The following CSNK2A1 variants were observed in gnomAD, a reference collection of about 807,000 sequenced individuals.
CSNK2A1 encodes casein kinase 2 alpha 1, also known as casein kinase II subunit alpha.
Under a neutral mutation model 62.9 loss-of-function variants are expected in CSNK2A1, and 10 were observed. The ratio of observed to expected loss-of-function variants is 0.16; its 90% CI spans 0.10 to 0.27. The LOEUF is 0.27. Among genes scored for constraint, CSNK2A1 ranks in the 10% least tolerant of loss-of-function variants. The pLI, the probability that CSNK2A1 is intolerant of heterozygous loss-of-function variation, is 1.00. For missense variants in CSNK2A1, 160 were observed against 492.0 expected (o/e 0.33, Z 6.38); for synonymous variants, 124 against 167.8 (o/e 0.74, Z 2.02).
At chr20:490,252 C>T (rs916550275) in intron 9 of CSNK2A1, among the ~76,000 whole-genome samples, 1 of 149,326 alleles carries the variant, frequency 6.7e-6, no homozygotes, top group Non-Finnish European at 1.5e-5. Context: ...TGGTCTCAAA[C>T]TCCTGACCTC....
At chr20:534,486 A>G (rs1445951372) in intron 1 of CSNK2A1, among the ~76,000 whole-genome samples, 1 of 152,158 alleles carries the variant, frequency 6.6e-6, no homozygotes, top group African/African-American at 2.4e-5. Context: ...CTGAAGGGAG[A>G]AAGGAAGACA....
chr20:542,318 T>C (rs949599212), intron 1 of CSNK2A1, among the ~76,000 whole-genome samples: 9 of 152,250 alleles, frequency 5.9e-5, no homozygotes, highest in Admixed American at 6.5e-5. Flanking sequence ...CACAGCTAAG[T>C]AGCAATGGCC....
intron 1 of CSNK2A1, among the ~76,000 whole-genome samples, chr20:532,887 A>G (rs2019242621): frequency 6.6e-6 from 1 of 152,194 alleles, no homozygotes; most frequent in Non-Finnish European, 1.5e-5. Flanking sequence ...CAACAAAGAC[A>G]AAACAAGCCT....
rs967698778 is a variant in CSNK2A1 at position 499,152 on chromosome 20, T to C, written c.366+103A>G. ...AATTTGCACTGTAAGGATGAAAAGCTTTTTAAAAACAAATGCGAAGCAAGC... is the reference window on the plus strand; with the variant it reads ...AATTTGCACTGTAAGGATGAAAAGCCTTTTAAAAACAAATGCGAAGCAAGC... On this transcript the variant is annotated intron_variant, in intron 6 of 13. Transcript: ENST00000217244. This position sits in a 1 kb window ranked among gnomAD's most constrained non-coding sequence, Gnocchi z 4.2. The C allele has an allele frequency of 7.0e-5, 73 of 1,049,382 alleles. No homozygotes were observed. The highest frequency in any genetic ancestry group is 8.9e-5 in the Non-Finnish European group (68 of 762,050). The allele number at this position is 1,049,382 out of a possible 1,614,324, so 65.0% of individuals were successfully genotyped here.
chr20:493,112 AG>A (rs2018268096), intron 8 of CSNK2A1, among the ~76,000 whole-genome samples: 2 of 152,184 alleles, frequency 1.3e-5, no homozygotes, highest in Non-Finnish European at 2.9e-5. Flanking sequence ...TCCCTGCAAA[AG>A]CACCTCCACT....
At chr20:514,700 C>A (rs939416301) in intron 2 of CSNK2A1, among the ~76,000 whole-genome samples, 1 of 152,166 alleles carries the variant, frequency 6.6e-6, no homozygotes, top group African/African-American at 2.4e-5. Context: ...CCTCAGCCTC[C>A]CGAAGTGCTG....
chr20:478,947 ACTT>A lies in CSNK2A1; in HGVS notation c.*5011_*5013del, dbSNP rs2017903748. On this transcript the variant is annotated 3_prime_UTR_variant, in exon 14 of 14. Coordinates refer to ENST00000217244, the MANE Select transcript of CSNK2A1 (RefSeq NM_177559.3). ...TATCAAAAAACAAAACAAACAAAAA[ACTT>A]CTAGTGAGTAGAGCGACAGGGAGAC... 1 of 161,642 alleles carries A rather than the reference ACTT, an allele frequency of 6.2e-6. No homozygotes were observed. 10.0% of individuals were successfully genotyped at this position (161,642 alleles called of 1,614,324 possible).
At chr20:520,466 T>C (rs986443434) in intron 2 of CSNK2A1, among the ~76,000 whole-genome samples, 4 of 152,062 alleles carry the variant, frequency 2.6e-5, no homozygotes, top group Non-Finnish European at 5.9e-5. Context: ...GGCAGTTCAA[T>C]GGAGAAAGGA....
intron 7 of CSNK2A1, chr20:496,074 C>T (rs550915550): frequency 2.8e-6 from 1 of 363,566 alleles, no homozygotes; most frequent in Admixed American, 3.9e-5. Context: ...AATTGCACCA[C>T]TTCAAATTTT....
chr20:472,627 T>A lies in CSNK2A1; in HGVS notation c.*11334A>T, dbSNP rs1324153767. 5.9e-5 allele frequency: 9 copies of A among 152,192 alleles called. No homozygotes were observed. Among genetic ancestry groups the A allele is most frequent in the Admixed American group, 5.9e-4 (9 of 15,272 alleles). The allele number at this position is 152,192 out of a possible 1,614,324, so 9.4% of individuals were successfully genotyped here. ...GACAAAGGCTTGGAGCAAACACAAT[T>A]TGTGGGCAATAAACATTGTCAACAT... On this transcript the variant is annotated 3_prime_UTR_variant, in exon 14 of 14. Transcript: ENST00000217244.
At chr20:542,689 C>A (rs2019478233) in intron 1 of CSNK2A1, among the ~76,000 whole-genome samples, 2 of 152,224 alleles carry the variant, frequency 1.3e-5, no homozygotes, top group Non-Finnish European at 2.9e-5. Flanking sequence ...CCTCGGCCTC[C>A]CAGAGTGCTG....
intron 1 of CSNK2A1, chr20:539,918 A>G (rs1600422590): frequency 2.0e-5 from 3 of 152,378 alleles, no homozygotes; most frequent in Admixed American, 1.3e-4. Flanking sequence ...CATGTAGAGA[A>G]TAACAGTTAG....
chr20:527,315 GTCCCATAACCAATAAAT>G (rs1174151426), intron 2 of CSNK2A1, among the ~76,000 whole-genome samples: 2 of 152,146 alleles, frequency 1.3e-5, no homozygotes, highest in African/African-American at 4.8e-5. Context: ...ACCATAAATA[GTCCCATAACCAATAAAT>G]TCAATCAGTA....
At chr20:490,405 T>G (rs2122515662) in intron 9 of CSNK2A1, among the ~76,000 whole-genome samples, 1 of 131,480 alleles carries the variant, frequency 7.6e-6, no homozygotes, top group South Asian at 3.0e-4. Context: ...TTTAAAACAA[T>G]TTTTACTTTT....
intron 2 of CSNK2A1, among the ~76,000 whole-genome samples, chr20:519,411 TAGC>T (rs2018898266): frequency 6.6e-6 from 1 of 152,028 alleles, no homozygotes; most frequent in African/African-American, 2.4e-5. Context: ...AATTACAAAA[TAGC>T]AGGAAAAAAC....
chr20:510,602 A>G (rs1285053101), intron 2 of CSNK2A1, among the ~76,000 whole-genome samples: 1 of 152,252 alleles, frequency 6.6e-6, no homozygotes, highest in Non-Finnish European at 1.5e-5. Flanking sequence ...GTATATATAT[A>G]GCACACATGA....
At position 479,414 on chromosome 20, in the gene CSNK2A1, A is replaced by G. The variant is rs1286904009; in HGVS notation, c.*4547T>C. ...GAAGAGGGTATCACCAAAAAAGGGCAAAAAGGGGGCTTGGTCTGTATTGGC... is the reference window on the plus strand; with the variant it reads ...GAAGAGGGTATCACCAAAAAAGGGCGAAAAGGGGGCTTGGTCTGTATTGGC... On this transcript the variant is annotated 3_prime_UTR_variant, in exon 14 of 14. Coordinates refer to ENST00000217244, the MANE Select transcript of CSNK2A1 (RefSeq NM_177559.3). 6.6e-6 allele frequency: 1 copy of G among 152,256 alleles called. No homozygotes were observed. The highest frequency in any genetic ancestry group is 2.4e-5 in the African/African-American group (1 of 41,462). 9.4% of individuals were successfully genotyped at this position (152,256 alleles called of 1,614,324 possible). A position where few individuals can be genotyped will look rare whatever the true frequency, so the allele number is the denominator to read the frequency against.
At chr20:520,326 T>A (rs555962162) in intron 2 of CSNK2A1, among the ~76,000 whole-genome samples, 48 of 152,226 alleles carry the variant, frequency 3.2e-4, no homozygotes, top group African/African-American at 1.1e-3. Context: ...ATCTTAAACT[T>A]ATTACAAAGC....
At chr20:527,457 T>C (rs905315662) in intron 2 of CSNK2A1, among the ~76,000 whole-genome samples, 2 of 152,222 alleles carry the variant, frequency 1.3e-5, no homozygotes, top group African/African-American at 4.8e-5. Flanking sequence ...TCTGTGCTTT[T>C]ATACATTGAT....
Sources: allele counts gnomAD v4.1 joint callset (sites outside exome capture counted in the v4.1 genomes callset), GRCh38; gene constraint gnomAD v4.1.1; non-coding constraint Gnocchi (gnomAD v3.1); transcripts MANE v1.5; gene names NCBI Gene and HGNC (gene_info 2026-07-23, HGNC 2026-07-21).